CACNA2D3: variants seen among roughly 807,000 people sequenced by gnomAD.
CACNA2D3 encodes calcium voltage-gated channel auxiliary subunit alpha2delta 3.
A neutral mutation model predicts 160.6 loss-of-function variants in CACNA2D3; 60 were observed. The observed-to-expected ratio is 0.37, with a 90% CI of 0.30 to 0.46. The LOEUF (loss-of-function observed/expected upper bound fraction) is 0.46. Among genes scored for constraint, CACNA2D3 ranks in the 20% least tolerant of loss-of-function variants. The pLI is 1.00. For missense variants in CACNA2D3, 1,205 were observed against 1,365.0 expected (o/e 0.88, Z 1.85); for synonymous variants, 558 against 492.9 (o/e 1.13, Z -1.75).
intron 11 of CACNA2D3, among the ~76,000 whole-genome samples, chr3:54,692,981 T>G (rs1164008682): frequency 3.3e-5 from 5 of 151,664 alleles, no homozygotes; most frequent in Non-Finnish European, 1.5e-5. Flanking sequence ...GATTTAAGAG[T>G]TGGATATCAG....
At chr3:54,554,311 C>T (rs1474256916) in intron 5 of CACNA2D3, among the ~76,000 whole-genome samples, 2 of 152,160 alleles carry the variant, frequency 1.3e-5, no homozygotes, top group East Asian at 3.9e-4. Flanking sequence ...TGTTTCTCTC[C>T]TCATACTGAA....
chr3:54,885,451 T>C, intron 22 of CACNA2D3, 38 bp from the exon 23 acceptor site: 6 of 1,600,004 alleles, frequency 3.7e-6, no homozygotes, highest in Non-Finnish European at 4.3e-6. Flanking sequence ...GCTGTAAATA[T>C]TGACATGCTC....
intron 3 of CACNA2D3, among the ~76,000 whole-genome samples, chr3:54,330,963 G>A (rs1704236693): frequency 6.6e-6 from 1 of 152,118 alleles, no homozygotes; most frequent in Admixed American, 6.5e-5. Context: ...TTTTTTCTAG[G>A]GAAGTATGTT....
chr3:54,933,489 A>G (rs143821835), intron 27 of CACNA2D3, among the ~76,000 whole-genome samples: 1,586 of 152,274 alleles, frequency 0.01, 37 homozygotes, highest in African/African-American at 0.036. Flanking sequence ...CTCACATTCT[A>G]TTAGCCAGAA....
At chr3:54,404,404 C>T (rs1699532683) in intron 4 of CACNA2D3, among the ~76,000 whole-genome samples, 1 of 152,108 alleles carries the variant, frequency 6.6e-6, no homozygotes, top group Admixed American at 6.5e-5. Context: ...TAAACTGATG[C>T]AGAAAAAGCA....
In CACNA2D3 at chr3:55,074,085, G is replaced by A. The variant is rs117860418; in HGVS notation, c.3184-29G>A. 445 of 1,591,322 alleles carry A rather than the reference G, an allele frequency of 2.8e-4. 8 individuals are homozygous for A. In the East Asian group the frequency reaches 8.4e-3, roughly 30 times the overall value. ...TGAAGGTGTCCTGGAGTCTATTTCC[G>A]TCTAACCAACCCCTGCCTTTCCCCA... On this transcript the variant is annotated intron_variant, in intron 37 of 37. Coordinates refer to ENST00000474759, the MANE Select transcript of CACNA2D3 (RefSeq NM_018398.3).
chr3:54,474,413 G>C (rs1454380886), intron 4 of CACNA2D3, among the ~76,000 whole-genome samples: 2 of 152,028 alleles, frequency 1.3e-5, no homozygotes, highest in African/African-American at 4.8e-5. Flanking sequence ...TGGGGGCCTA[G>C]GGGAGGGATT....
intron 27 of CACNA2D3, among the ~76,000 whole-genome samples, chr3:54,902,693 G>C (rs1388710371): frequency 1.3e-5 from 2 of 152,198 alleles, no homozygotes; most frequent in African/African-American, 2.4e-5. Context: ...ATCTTGGACT[G>C]TAAGGTCCAC....
At chr3:54,871,182 GACACACACACACACACACACAC>G (rs376258511) in intron 17 of CACNA2D3, among the ~76,000 whole-genome samples, 4 of 127,708 alleles carry the variant, frequency 3.1e-5, no homozygotes, top group African/African-American at 1.0e-4. Flanking sequence ...TATAGGTGGA[GACACACACACACACACACACAC>G]ACACACACAC....
At chr3:54,687,129 TTTTTTG>T (rs1559549394) in intron 11 of CACNA2D3, among the ~76,000 whole-genome samples, 15 of 51,024 alleles carry the variant, frequency 2.9e-4, no homozygotes, top group African/African-American at 1.1e-3. Context: ...TTCTTTTTTT[TTTTTTG>T]TTTTTTTTTT....
intron 27 of CACNA2D3, among the ~76,000 whole-genome samples, chr3:54,957,427 G>A (rs1036022649): frequency 6.6e-6 from 1 of 152,094 alleles, no homozygotes; most frequent in African/African-American, 2.4e-5. Context: ...GGGATTACAG[G>A]TGTGAGCCAC....
At chr3:54,968,584 A>G (rs1321537039) in intron 28 of CACNA2D3, 73 bp downstream of exon 28, 18 of 1,097,960 alleles carry the variant, frequency 1.6e-5, no homozygotes, top group Non-Finnish European at 2.4e-5. Flanking sequence ...GGGTACCTGG[A>G]GCCTGAAAGT....
At chr3:54,682,184 C>G (rs181889897) in intron 11 of CACNA2D3, among the ~76,000 whole-genome samples, 19 of 152,058 alleles carry the variant, frequency 1.2e-4, no homozygotes, top group African/African-American at 4.3e-4. Context: ...CACACACACA[C>G]ACACACACAC....
chr3:54,433,370 T>G lies in CACNA2D3; in HGVS notation c.381+46596T>G, dbSNP rs1700016722. Among the ~76,000 whole-genome samples, 4 of 152,196 alleles carry G rather than the reference T, an allele frequency of 2.6e-5. No individual in the cohort carries two copies. The South Asian group carries it at 8.3e-4, about 31-fold the overall frequency. ...GATAAATAAATATTGAATACATGAA[T>G]GTATTCTGGAAATAGAGCTTTCATC... is the stretch of plus-strand genomic sequence containing the variant. On this transcript the variant is annotated intron_variant, in intron 4 of 37. Transcript: ENST00000474759.
chr3:54,363,808 G>C (rs1698784584), intron 3 of CACNA2D3, among the ~76,000 whole-genome samples: 1 of 152,190 alleles, frequency 6.6e-6, no homozygotes, highest in East Asian at 1.9e-4. Flanking sequence ...GATGGAGTGA[G>C]GTTGGGTCCA....
At chr3:54,717,550 GGTGTGT>G (rs35851414) in intron 11 of CACNA2D3, among the ~76,000 whole-genome samples, 55 of 147,910 alleles carry the variant, frequency 3.7e-4, no homozygotes, top group South Asian at 8.6e-4. Context: ...GTGCATGTGT[GGTGTGT>G]GTGTGTGTGT....
At position 54,566,147 on chromosome 3, in the gene CACNA2D3, T is replaced by C. The variant is rs187096792; in HGVS notation, c.676+3216T>C. On this transcript the variant is annotated intron_variant, in intron 6 of 37. Coordinates refer to ENST00000474759, the MANE Select transcript of CACNA2D3 (RefSeq NM_018398.3). ...TCCCCAGCTGCACTCTGGTAGAGAC[T>C]TGATGACTCAGCAAGGAGCTGGCAT... Among the ~76,000 whole-genome samples the C allele has an allele frequency of 1.2e-3, 180 of 152,310 alleles. 1 individual carries two copies. Among genetic ancestry groups the C allele is most frequent in the African/African-American group, 4.3e-3 (178 of 41,578 alleles).
At chr3:54,450,937 A>G (rs554770603) in intron 4 of CACNA2D3, among the ~76,000 whole-genome samples, 1 of 152,146 alleles carries the variant, frequency 6.6e-6, no homozygotes, top group African/African-American at 2.4e-5. Context: ...CTTTTGAAAT[A>G]CAATGGTGGA....
At chr3:54,134,949 G>A (rs1206698178) in intron 2 of CACNA2D3, among the ~76,000 whole-genome samples, 1 of 152,250 alleles carries the variant, frequency 6.6e-6, no homozygotes, top group East Asian at 1.9e-4. Flanking sequence ...GACTGATGGG[G>A]CCCTCGCAGC....
Sources: allele counts gnomAD v4.1 joint callset (sites outside exome capture counted in the v4.1 genomes callset), GRCh38; gene constraint gnomAD v4.1.1; transcripts MANE v1.5; gene names NCBI Gene and HGNC (gene_info 2026-07-23, HGNC 2026-07-21).